NGLY1: variants seen among roughly 807,000 people sequenced by gnomAD.
NGLY1 encodes peptide-N(4)-(N-acetyl-beta-glucosaminyl)asparagine amidase.
A neutral mutation model predicts 84.6 loss-of-function variants in NGLY1; 68 were observed. The ratio of observed to expected loss-of-function variants is 0.80; its 90% confidence interval spans 0.66 to 0.98. The LOEUF (loss-of-function observed/expected upper bound fraction) is 0.98. NGLY1 is among the 50% of genes least tolerant of loss of function. The probability of loss-of-function intolerance (pLI) is 0.00; values close to 1 mark genes in which losing one functional copy is unlikely to be tolerated. For missense variants in NGLY1, 779 were observed against 770.2 expected, an observed-to-expected ratio of 1.01 and a Z score of -0.14; for synonymous variants, 280 against 275.2, an observed-to-expected ratio of 1.02 and a Z score of -0.17.
intron 2 of NGLY1, 62 bp downstream of exon 2, chr3:25,778,512 C>G: frequency 1.2e-6 from 1 of 861,452 alleles, no homozygotes; most frequent in Non-Finnish European, 1.8e-6. Flanking sequence ...CAATTATTCA[C>G]CAACATGATA....
intron 1 of NGLY1, among the ~76,000 whole-genome samples, chr3:25,779,215 G>A (rs1472139843): frequency 6.6e-6 from 1 of 152,098 alleles, no homozygotes; most frequent in Non-Finnish European, 1.5e-5. Context: ...GGGGATTACA[G>A]GCGTGAGCCA....
At chr3:25,750,817 A>T (rs4681032) in intron 4 of NGLY1, among the ~76,000 whole-genome samples, 1 of 151,958 alleles carries the variant, frequency 6.6e-6, no homozygotes, top group South Asian at 2.1e-4. Context: ...ACTGTCCCTC[A>T]GTATATGCTG....
chr3:25,742,271 T>G (rs1295758116), intron 4 of NGLY1, among the ~76,000 whole-genome samples: 2 of 152,112 alleles, frequency 1.3e-5, no homozygotes, highest in Admixed American at 1.3e-4. Flanking sequence ...TACAAGAATC[T>G]CCACTGTGGT....
At position 25,764,239 on chromosome 3, in the gene NGLY1, T is replaced by C. The variant is rs757774666; in HGVS notation, c.319A>G (p.Ile107Val). 1.1e-5 allele frequency: 18 copies of C among 1,614,068 alleles called. No individual in the cohort carries two copies. Among genetic ancestry groups the C allele is most frequent in the Admixed American group, 6.7e-5 (4 of 60,004 alleles). The change falls in exon 3 of 12, where the codon ATA (isoleucine) becomes GTA (valine). Residue 107 changes from isoleucine (I) to valine (V), a missense_variant. Coordinates refer to ENST00000280700, the MANE Select transcript of NGLY1 (RefSeq NM_018297.4). ...QLQKIRDLIA[I>V]ERSSRLDGSN... ...CCATCCAGTCTGCTACTTCTCTCTA[T>C]GGCAATCAGGTCACGAATTTTTTGC...
Position 25,737,376 on chromosome 3 carries a change from G to A in NGLY1, c.961C>T (p.Arg321Ter), listed in dbSNP as rs755009745. 4 of 1,613,676 alleles carry A rather than the reference G, an allele frequency of 2.5e-6. No individual in the cohort carries two copies. The highest frequency in any genetic ancestry group is 2.2e-5 in the South Asian group (2 of 91,038). ...EWANCFTLCC[R>*]AVGFEARYVW... ...TAGCGAGCTTCAAACCCTACAGCTC[G>A]GCAGCACAGTGTAAAACAATTGGCC... Residue 321 changes from arginine to a stop codon, truncating the protein, a stop_gained, in exon 6 of 12, where the codon CGA becomes TGA. Coordinates refer to ENST00000280700, the MANE Select transcript of NGLY1 (RefSeq NM_018297.4). LOFTEE classifies it high-confidence loss of function.
At chr3:25,769,085 G>A (rs767931973) in intron 2 of NGLY1, among the ~76,000 whole-genome samples, 7 of 151,866 alleles carry the variant, frequency 4.6e-5, no homozygotes, top group African/African-American at 7.2e-5. Flanking sequence ...AGAGGCCGGC[G>A]CATTGGCTCA....
chr3:25,733,812 C>T, intron 8 of NGLY1, 60 bp downstream of exon 8: 1 of 1,089,630 alleles, frequency 9.2e-7, no homozygotes, highest in Admixed American at 2.1e-5. Flanking sequence ...TAATAAACGG[C>T]TATTCTCGAT....
chr3:25,751,035 G>A, intron 4 of NGLY1, 63 bp downstream of exon 4: 3 of 1,500,686 alleles, frequency 2.0e-6, no homozygotes, highest in Non-Finnish European at 2.7e-6. Flanking sequence ...TTGTATTTCA[G>A]TATTTTCTGT....
intron 4 of NGLY1, chr3:25,749,860 C>A: frequency 1.1e-6 from 1 of 932,124 alleles, no homozygotes; most frequent in Non-Finnish European, 1.7e-6. Context: ...GAGTCACCAA[C>A]CCCAATGCCA....
Position 25,764,060 on chromosome 3 carries a change from C to T in NGLY1, c.492+6G>A, listed in dbSNP as rs200608265. ...ACAGTTAAAGAAGGTTTAATTCTAA[C>T]ATTACCGTTGAAGCAGATGGTGGAT... On this transcript the variant is annotated splice_donor_region_variant and intron_variant, in intron 3 of 11. Transcript: ENST00000280700. The T allele has an allele frequency of 6.1e-5, 98 of 1,613,782 alleles. No homozygotes were observed. In the African/African-American group the frequency reaches 7.9e-4, roughly 13 times the overall value.
chr3:25,773,912 C>T (rs138872619), intron 2 of NGLY1, among the ~76,000 whole-genome samples: 167 of 152,264 alleles, frequency 1.1e-3, no homozygotes, highest in Admixed American at 1.8e-3. Context: ...ACCAGTAGAG[C>T]TACTGGGCTC....
chr3:25,739,805 A>C lies in NGLY1; in HGVS notation c.659-6T>G, dbSNP rs1049813524. The stretch of plus-strand genomic sequence containing the variant: ...CTCATCACTTATATTGATACCTGAG[A>C]AATTAAGGGAGGACCAAGTAAGAGC... On this transcript the variant is annotated splice_polypyrimidine_tract_variant and splice_region_variant and intron_variant, in intron 4 of 11. Transcript: ENST00000280700. The C allele has an allele frequency of 6.2e-7, 1 of 1,609,026 alleles. No individual in the cohort carries two copies. Among genetic ancestry groups the C allele is most frequent in the South Asian group, 1.1e-5 (1 of 90,824 alleles).
chr3:25,728,406 A>G (rs906454585), intron 10 of NGLY1, among the ~76,000 whole-genome samples: 3 of 152,126 alleles, frequency 2.0e-5, no homozygotes, highest in African/African-American at 4.8e-5. Flanking sequence ...AAAGCTTCCT[A>G]TAAGTTAATT....
Position 25,759,918 on chromosome 3 carries a change from ACAC to A in NGLY1, c.492+4145_492+4147del, listed in dbSNP as rs369839701. On this transcript the variant is annotated intron_variant, in intron 3 of 11. Transcript: ENST00000280700. ...CAAATTCACTTCTTTAGTTAAAAAA[ACAC>A]ACACACACACACACACACACACAAC... Among the ~76,000 whole-genome samples the A allele has an allele frequency of 3.4e-4, 47 of 138,060 alleles. 1 individual carries two copies. Among genetic ancestry groups the A allele is most frequent in the South Asian group, 4.3e-4 (2 of 4,672 alleles). 90.6% of individuals were successfully genotyped at this position (138,060 alleles called of 152,430 possible).
chr3:25,761,527 C>G (rs755941405), intron 3 of NGLY1, among the ~76,000 whole-genome samples: 2 of 152,088 alleles, frequency 1.3e-5, no homozygotes, highest in African/African-American at 2.4e-5. Context: ...ACTTAACAAC[C>G]ACTAAAATGG....
At chr3:25,771,292 T>C (rs1559556095) in intron 2 of NGLY1, among the ~76,000 whole-genome samples, 1 of 152,228 alleles carries the variant, frequency 6.6e-6, no homozygotes, top group South Asian at 2.1e-4. Context: ...CACCACTGAA[T>C]AGGTGTCCTT....
intron 3 of NGLY1, among the ~76,000 whole-genome samples, chr3:25,759,398 T>C (rs1186573720): frequency 6.6e-6 from 1 of 152,230 alleles, no homozygotes; most frequent in African/African-American, 2.4e-5. Context: ...TGTCTCATTT[T>C]ATTTTTCTTA....
intron 4 of NGLY1, among the ~76,000 whole-genome samples, chr3:25,740,762 G>A (rs896379250): frequency 1.3e-5 from 2 of 152,020 alleles, no homozygotes; most frequent in Non-Finnish European, 2.9e-5. Context: ...TTCTAAAGCT[G>A]ATAACCTTCC....
At chr3:25,723,545 A>C (rs1328066265) in intron 10 of NGLY1, among the ~76,000 whole-genome samples, 2 of 145,746 alleles carry the variant, frequency 1.4e-5, no homozygotes, top group Non-Finnish European at 3.0e-5. Context: ...AATGTACCAC[A>C]ACAATAGAAT....
Sources: gnomAD v4.1 joint callset for allele counts (sites outside exome capture counted in the v4.1 genomes callset) on GRCh38, gnomAD v4.1.1 for gene constraint, MANE v1.5 for transcripts, NCBI Gene and HGNC (gene_info 2026-07-23, HGNC 2026-07-21) for gene names.